The following SMAD4 variants were observed in gnomAD, a reference collection of about 807,000 sequenced individuals.
SMAD4 encodes SMAD family member 4, also known as MAD homolog 4.
SMAD4 carries 7 observed loss-of-function variants against 63.2 expected under a neutral mutation model. The ratio of observed to expected loss-of-function variants is 0.11; its 90% confidence interval spans 0.06 to 0.21. The LOEUF is 0.21. SMAD4 is among the 10% of genes least tolerant of loss of function. The pLI, the probability that SMAD4 is intolerant of heterozygous loss-of-function variation, is 1.00. For synonymous variants in SMAD4, 215 were observed against 235.4 expected (o/e 0.91, Z 0.79); for missense variants, 312 against 693.8 (o/e 0.45, Z 6.18).
intron 5 of SMAD4, among the ~76,000 whole-genome samples, chr18:51,057,561 A>G (rs1357226132): frequency 6.6e-6 from 1 of 152,222 alleles, no homozygotes; most frequent in Non-Finnish European, 1.5e-5. Flanking sequence ...TAACCAGTAA[A>G]TGGTATATTG....
chr18:51,058,835 T>C (rs1451268240), intron 7 of SMAD4, among the ~76,000 whole-genome samples: 3 of 152,164 alleles, frequency 2.0e-5, no homozygotes, highest in African/African-American at 7.2e-5. Flanking sequence ...TAGTATTCAG[T>C]GTACTTTGGA....
At position 51,047,304 on chromosome 18, in the gene SMAD4, T is replaced by TTTAA. The variant is rs1209658777; in HGVS notation, c.249+9_249+10insTTAA. ...TGGATGGGAGGCTTCAGGTTAGTCT[T>TTTAA]ATAAGAGTTTTTCTATACCCTCTAT... On this transcript the variant is annotated intron_variant, in intron 2 of 11. Transcript: ENST00000342988. The TTTAA allele has an allele frequency of 6.2e-7, 1 of 1,613,436 alleles. No homozygotes were observed. The highest frequency in any genetic ancestry group is 8.5e-7 in the Non-Finnish European group (1 of 1,179,644).
chr18:51,047,643 C>G (rs187134486), intron 2 of SMAD4, among the ~76,000 whole-genome samples: 14 of 150,626 alleles, frequency 9.3e-5, no homozygotes, highest in Admixed American at 9.3e-4. Context: ...GAGTCTTGCT[C>G]TGTCACCCAG....
chr18:51,043,338 A>G (rs1568201929), intron 1 of SMAD4, among the ~76,000 whole-genome samples: 1 of 152,166 alleles, frequency 6.6e-6, no homozygotes, highest in Non-Finnish European at 1.5e-5. Context: ...ACGTTGTTGC[A>G]TCTAATTACC....
In SMAD4 at chr18:51,068,804, T is replaced by G. The variant is rs561821968; in HGVS notation, c.1308+1617T>G. ...GGTGTGGTGGTGCATGCCTGTAGTT[T>G]TAGCTACTTGGGAGGCTGAGATGGG... On this transcript the variant is annotated intron_variant, in intron 10 of 11. Coordinates refer to ENST00000342988, the MANE Select transcript of SMAD4 (RefSeq NM_005359.6). Among the ~76,000 whole-genome samples, 368 of 152,150 alleles carry G rather than the reference T, an allele frequency of 2.4e-3. 1 individual carries two copies. The highest frequency in any genetic ancestry group is 2.3e-3 in the Non-Finnish European group (157 of 67,978).
chr18:51,033,798 CTA>C (rs1909120507), intron 1 of SMAD4, among the ~76,000 whole-genome samples: 1 of 152,186 alleles, frequency 6.6e-6, no homozygotes, highest in African/African-American at 2.4e-5. Flanking sequence ...CACCTTAACA[CTA>C]TTACCTGGTG....
intron 4 of SMAD4, among the ~76,000 whole-genome samples, chr18:51,051,909 C>T (rs530485600): frequency 2.6e-5 from 4 of 151,970 alleles, no homozygotes; most frequent in South Asian, 2.1e-4. Flanking sequence ...CGAGTTCAAG[C>T]GATTCTCCTG....
intron 8 of SMAD4, among the ~76,000 whole-genome samples, chr18:51,061,006 T>C (rs1909997362): frequency 6.6e-6 from 1 of 152,150 alleles, no homozygotes; most frequent in Non-Finnish European, 1.5e-5. Context: ...CCCAAAGTGC[T>C]GGGATTATAG....
intron 4 of SMAD4, among the ~76,000 whole-genome samples, chr18:51,051,738 A>C (rs990228020): frequency 7.2e-5 from 11 of 152,172 alleles, no homozygotes; most frequent in Non-Finnish European, 1.3e-4. Context: ...ACACAGACCT[A>C]AGGTGGGCCC....
chr18:51,035,390 C>T (rs908329513), intron 1 of SMAD4, among the ~76,000 whole-genome samples: 2 of 152,116 alleles, frequency 1.3e-5, no homozygotes, highest in African/African-American at 4.8e-5. Flanking sequence ...TCTGAACTCC[C>T]TGTGGGCTTG....
At position 51,058,435 on chromosome 18, in the gene SMAD4, C is replaced by G. The variant is rs1167543544; in HGVS notation, c.883C>G (p.Pro295Ala). Residue 295 changes from proline (P) to alanine (A), a missense_variant, in exon 7 of 12, where the codon CCG (proline) becomes GCG (alanine). Physicochemically the swap from Pro to Ala is conservative, Grantham distance 27. Transcript: ENST00000342988. ...NGHLQHHPPM[P>A]PHPGHYWPVH... ...CCATCTTCAGCACCACCCGCCTATG[C>G]CGCCCCATCCCGGACATTACTGTAA... 6.2e-7 allele frequency: 1 copy of G among 1,613,284 alleles called. No individual in the cohort carries two copies. The highest frequency in any genetic ancestry group is 8.5e-7 in the Non-Finnish European group (1 of 1,179,534).
chr18:51,066,915 CTTTATT>C (rs1351733682), intron 9 of SMAD4, 98 bp from the exon 10 acceptor site: 24 of 914,774 alleles, frequency 2.6e-5, no homozygotes, highest in Admixed American at 1.2e-4. Flanking sequence ...TTTATGTGAT[CTTTATT>C]TTTAATTTTT....
rs538619979 is a variant in SMAD4, at chr18:51,079,995, A to G, written c.*1528A>G. The G allele has an allele frequency of 8.7e-6, 2 of 229,220 alleles. No individual in the cohort carries two copies. The highest frequency in any genetic ancestry group is 6.2e-5 in the East Asian group (1 of 16,102). 14.2% of individuals were successfully genotyped at this position (229,220 alleles called of 1,614,324 possible). On this transcript the variant is annotated 3_prime_UTR_variant, in exon 12 of 12. Coordinates refer to ENST00000342988, the MANE Select transcript of SMAD4 (RefSeq NM_005359.6). ...TTTTTTTTTTAATTTTTATTTTACT[A>G]TAGCAGAAATAGACCTGATTATCTA... is the stretch of plus-strand genomic sequence containing the variant.
Position 51,084,726 on chromosome 18 carries a change from T to C in SMAD4, c.*6259T>C, listed in dbSNP as rs923686792. 2 of 231,934 alleles carry C rather than the reference T, an allele frequency of 8.6e-6. No homozygotes were observed. The highest frequency in any genetic ancestry group is 3.6e-4 in the South Asian group (2 of 5,522). 14.4% of individuals were successfully genotyped at this position (231,934 alleles called of 1,614,324 possible). The stretch of plus-strand genomic sequence containing the variant: ...TTTAAGGGAAAAGTGTGAATGCTTA[T>C]AGATGATGAAAACCTGGTGGGCTGC... On this transcript the variant is annotated 3_prime_UTR_variant, in exon 12 of 12. Coordinates refer to ENST00000342988, the MANE Select transcript of SMAD4 (RefSeq NM_005359.6).
chr18:51,050,030 A>G (rs911329580), intron 4 of SMAD4, among the ~76,000 whole-genome samples: 3 of 152,224 alleles, frequency 2.0e-5, no homozygotes, highest in Admixed American at 6.5e-5. Flanking sequence ...AAATTTCTGT[A>G]AGAACTAATT....
At position 51,054,836 on chromosome 18, in the gene SMAD4, A is replaced by G. The variant is rs144226135; in HGVS notation, c.510A>G (p.Pro170=). 1.9e-6 allele frequency: 3 copies of G among 1,614,088 alleles called. No homozygotes were observed. The highest frequency in any genetic ancestry group is 4.5e-5 in the East Asian group (2 of 44,888). The change falls in exon 5 of 12, where the codon CCA becomes CCG. Residue 170 remains proline, a synonymous_variant. Coordinates refer to ENST00000342988, the MANE Select transcript of SMAD4 (RefSeq NM_005359.6). ...ATGTGCATGACTTTGAGGGACAGCC[A>G]TCGTTGTCCACTGAAGGACATTCAA... is the stretch of plus-strand genomic sequence containing the variant. ...DEYVHDFEGQ[P]SLSTEGHSIQ...
chr18:51,061,787 A>G (rs1197747856), intron 8 of SMAD4, among the ~76,000 whole-genome samples: 1 of 152,222 alleles, frequency 6.6e-6, no homozygotes, highest in African/African-American at 2.4e-5. Context: ...TTAAAACATA[A>G]ACACAGCGCC....
At position 51,066,459 on chromosome 18, in the gene SMAD4, A is replaced by G. The variant is rs377389797; in HGVS notation, c.1140-560A>G. On this transcript the variant is annotated intron_variant, in intron 9 of 11. Coordinates refer to ENST00000342988, the MANE Select transcript of SMAD4 (RefSeq NM_005359.6). ...CTCGGCTTTTAAGGATGTGTGTGCT[A>G]AAGAACATAATCTTGGCTCTATCAC... 8.5e-5 allele frequency among the ~76,000 whole-genome samples: 13 copies of G among 152,278 alleles called. No homozygotes were observed. In the East Asian group the frequency reaches 9.6e-4, roughly 11 times the overall value.
chr18:51,070,610 C>T (rs947543103), intron 10 of SMAD4, among the ~76,000 whole-genome samples: 1 of 152,184 alleles, frequency 6.6e-6, no homozygotes, highest in Non-Finnish European at 1.5e-5. Context: ...TATCCATGGT[C>T]AACCACAGTC....
Sources: allele counts gnomAD v4.1 joint callset (sites outside exome capture counted in the v4.1 genomes callset), GRCh38; gene constraint gnomAD v4.1.1; transcripts MANE v1.5; gene names NCBI Gene and HGNC (gene_info 2026-07-23, HGNC 2026-07-21).